ARHGAP35: variants seen among roughly 807,000 people sequenced by gnomAD.
ARHGAP35 encodes the protein rho GTPase-activating protein 35.
A neutral mutation model predicts 111.1 loss-of-function variants in ARHGAP35; 15 were observed. The ratio of observed to expected loss-of-function variants is 0.13; its 90% confidence interval spans 0.09 to 0.21. The LOEUF is 0.21. Ranked by LOEUF, ARHGAP35 falls within the 10% of genes least tolerant of loss-of-function variation. The pLI is 1.00. For missense variants in ARHGAP35, 1,262 were observed against 1,873.0 expected (o/e 0.67, Z 6.02); for synonymous variants, 643 against 710.3 (o/e 0.91, Z 1.51).
At chr19:46,904,902 A>G (rs1266839303) in intron 1 of ARHGAP35, among the ~76,000 whole-genome samples, 2 of 152,106 alleles carry the variant, frequency 1.3e-5, no homozygotes, top group East Asian at 3.8e-4. Context: ...ATATGTGCCT[A>G]TGCTCCGCGT....
At chr19:46,997,577 G>A (rs1398098566) in intron 5 of ARHGAP35, 1 of 152,194 alleles carries the variant, frequency 6.6e-6, no homozygotes, top group Non-Finnish European at 1.5e-5. Context: ...CTTGCCCAAG[G>A]TGACACGGTT....
At chr19:46,914,848 C>T (rs759335364) in intron 1 of ARHGAP35, among the ~76,000 whole-genome samples, 1 of 152,144 alleles carries the variant, frequency 6.6e-6, no homozygotes, top group South Asian at 2.1e-4. Context: ...AAATATTAGA[C>T]CCACTTTACA....
At chr19:46,874,464 T>C (rs2055904765) in intron 1 of ARHGAP35, among the ~76,000 whole-genome samples, 1 of 151,486 alleles carries the variant, frequency 6.6e-6, no homozygotes, top group African/African-American at 2.4e-5. Flanking sequence ...AAAGAACTTT[T>C]AAAGAAAACG....
intron 1 of ARHGAP35, among the ~76,000 whole-genome samples, chr19:46,910,478 T>G (rs545339684): frequency 5.3e-4 from 80 of 151,432 alleles, no homozygotes; most frequent in African/African-American, 1.8e-3. Flanking sequence ...TTTTTTGTAT[T>G]TTGGGGTTTC....
At chr19:46,977,117 C>A (rs943008660) in intron 3 of ARHGAP35, among the ~76,000 whole-genome samples, 2 of 152,230 alleles carry the variant, frequency 1.3e-5, no homozygotes, top group Non-Finnish European at 2.9e-5. Context: ...GACAGAGCAG[C>A]CCATTAGCAA....
chr19:46,930,196 G>A (rs1395843708), intron 2 of ARHGAP35, among the ~76,000 whole-genome samples: 6 of 151,996 alleles, frequency 3.9e-5, no homozygotes, highest in Admixed American at 1.3e-4. Context: ...GCAAAACTCC[G>A]TCTCTACAAA....
intron 1 of ARHGAP35, among the ~76,000 whole-genome samples, chr19:46,866,627 C>T (rs1218593150): frequency 6.6e-6 from 1 of 152,178 alleles, no homozygotes; most frequent in East Asian, 1.9e-4. Context: ...CCTGTTGCTA[C>T]TCTTTGATTC....
chr19:46,910,884 C>T (rs1280008440), intron 1 of ARHGAP35, among the ~76,000 whole-genome samples: 1 of 152,066 alleles, frequency 6.6e-6, no homozygotes, highest in Non-Finnish European at 1.5e-5. Context: ...AACCACTATG[C>T]CCAGCCTAAA....
intron 1 of ARHGAP35, among the ~76,000 whole-genome samples, chr19:46,906,913 AC>A (rs1273324517): frequency 2.0e-5 from 3 of 151,972 alleles, no homozygotes; most frequent in Non-Finnish European, 2.9e-5. Flanking sequence ...CCATGGTAAA[AC>A]CCCATCTCTA....
intron 3 of ARHGAP35, among the ~76,000 whole-genome samples, chr19:46,960,197 A>G (rs77554108): frequency 1.3e-5 from 2 of 151,736 alleles, no homozygotes; most frequent in East Asian, 1.9e-4. Flanking sequence ...CCTTCTCTCC[A>G]TTAGCCCTGG....
intron 1 of ARHGAP35, among the ~76,000 whole-genome samples, chr19:46,880,105 A>AAAT (rs1369707255): frequency 6.6e-6 from 1 of 151,822 alleles, no homozygotes; most frequent in East Asian, 1.9e-4. Context: ...ATAAATAAAT[A>AAAT]AATAAATAAA....
chr19:46,972,125 C>A (rs1406002564), intron 3 of ARHGAP35, among the ~76,000 whole-genome samples: 1 of 152,228 alleles, frequency 6.6e-6, no homozygotes, highest in African/African-American at 2.4e-5. Flanking sequence ...TCCCCCACCT[C>A]AGCCTCCTGA....
intron 1 of ARHGAP35, among the ~76,000 whole-genome samples, chr19:46,877,401 A>G (rs929770549): frequency 1.3e-5 from 2 of 151,862 alleles, no homozygotes; most frequent in African/African-American, 4.8e-5. Flanking sequence ...TGTCTCTACT[A>G]AAAATACAAA....
intron 3 of ARHGAP35, among the ~76,000 whole-genome samples, chr19:46,987,493 G>A (rs1335352412): frequency 1.3e-5 from 2 of 152,106 alleles, no homozygotes; most frequent in Non-Finnish European, 2.9e-5. Context: ...GGGATTACAG[G>A]CGTGAGCCAC....
intron 2 of ARHGAP35, among the ~76,000 whole-genome samples, chr19:46,933,865 T>G (rs2056288225): frequency 6.6e-6 from 1 of 152,204 alleles, no homozygotes; most frequent in African/African-American, 2.4e-5. Context: ...ACTACTCAGT[T>G]GATGAAGGCT....
Position 46,989,986 on chromosome 19 carries a change from T to G in ARHGAP35, c.4036+311T>G, listed in dbSNP as rs192059325. Among the ~76,000 whole-genome samples the G allele has an allele frequency of 6.6e-6, 1 of 152,330 alleles. No individual in the cohort carries two copies. The highest frequency in any genetic ancestry group is 1.9e-4 in the East Asian group (1 of 5,188). ...TGGCCGACTTAACCTTCCCTGCCCC[T>G]TGTGTCCTGCCGTTGTTACCATCCC... On this transcript the variant is annotated intron_variant, in intron 5 of 6. Coordinates refer to ENST00000672722, the MANE Select transcript of ARHGAP35 (RefSeq NM_004491.5). This position sits in a 1 kb window ranked among gnomAD's most constrained non-coding sequence, Gnocchi z 5.3.
chr19:46,906,217 G>A (rs2056107042), intron 1 of ARHGAP35, among the ~76,000 whole-genome samples: 1 of 152,176 alleles, frequency 6.6e-6, no homozygotes. Flanking sequence ...GGCTTGGTGG[G>A]AGGATTGCTT....
intron 3 of ARHGAP35, among the ~76,000 whole-genome samples, chr19:46,942,137 A>G (rs2056351030): frequency 6.6e-6 from 1 of 152,232 alleles, no homozygotes; most frequent in South Asian, 2.1e-4. Flanking sequence ...AAGCAAGTTC[A>G]TTGTAGAAAT....
chr19:46,970,429 T>A (rs1259620159), intron 3 of ARHGAP35, among the ~76,000 whole-genome samples: 1 of 152,178 alleles, frequency 6.6e-6, no homozygotes, highest in Non-Finnish European at 1.5e-5. Context: ...GCAGGCATGT[T>A]CCTTACGTAG....
Sources: gnomAD v4.1 joint callset for allele counts (sites outside exome capture counted in the v4.1 genomes callset) on GRCh38, gnomAD v4.1.1 for gene constraint, Gnocchi (gnomAD v3.1) non-coding constraint, MANE v1.5 for transcripts, NCBI Gene and HGNC (gene_info 2026-07-23, HGNC 2026-07-21) for gene names.